The following GLRA3 variants were observed in gnomAD, a reference collection of about 807,000 sequenced individuals.
GLRA3 encodes the protein glycine receptor alpha 3.
A neutral mutation model predicts 60.4 loss-of-function variants in GLRA3; 44 were observed. That is an observed-to-expected ratio of 0.73 (90% CI 0.57 to 0.94). The LOEUF is 0.94. Ranked by LOEUF, GLRA3 falls within the 40% of genes least tolerant of loss-of-function variation. The probability of loss-of-function intolerance (pLI) is 0.00; values close to 1 mark genes in which losing one functional copy is unlikely to be tolerated. For missense variants in GLRA3, 508 were observed against 564.6 expected, an observed-to-expected ratio of 0.90 and a Z score of 1.02; for synonymous variants, 223 against 192.9, an observed-to-expected ratio of 1.16 and a Z score of -1.29.
At chr4:174,809,847 C>T (rs1740192538) in intron 1 of GLRA3, among the ~76,000 whole-genome samples, 5 of 151,964 alleles carry the variant, frequency 3.3e-5, no homozygotes, top group Admixed American at 2.6e-4. Context: ...CTATCCTCAC[C>T]ATTTGATTTT....
intron 2 of GLRA3, among the ~76,000 whole-genome samples, chr4:174,779,459 C>T (rs1046936906): frequency 1.3e-5 from 2 of 152,132 alleles, no homozygotes; most frequent in Admixed American, 6.5e-5. Context: ...CAAAGCTGGA[C>T]GGAGAATGAC....
chr4:174,669,254 G>T (rs1733811419), intron 7 of GLRA3, among the ~76,000 whole-genome samples: 1 of 151,838 alleles, frequency 6.6e-6, no homozygotes, highest in Non-Finnish European at 1.5e-5. Flanking sequence ...ACTTCATTAA[G>T]ACCTAAAGCC....
At chr4:174,815,753 C>G (rs568968168) in intron 1 of GLRA3, among the ~76,000 whole-genome samples, 8 of 152,276 alleles carry the variant, frequency 5.3e-5, no homozygotes, top group Middle Eastern at 6.8e-3. Flanking sequence ...GAAAAGGGAT[C>G]CTGGGCTGAA....
intron 1 of GLRA3, among the ~76,000 whole-genome samples, chr4:174,807,895 T>C (rs1012298029): frequency 5.3e-5 from 8 of 152,200 alleles, no homozygotes; most frequent in East Asian, 3.9e-4. Context: ...GAAAATACCA[T>C]AGCAAAATGA....
intron 5 of GLRA3, among the ~76,000 whole-genome samples, chr4:174,700,794 GCAA>G (rs1203915296): frequency 6.6e-6 from 1 of 152,168 alleles, no homozygotes; most frequent in Admixed American, 6.5e-5. Context: ...GATCAAACCA[GCAA>G]CAACATTTCC....
intron 3 of GLRA3, among the ~76,000 whole-genome samples, chr4:174,737,971 T>C (rs1000150015): frequency 2.6e-5 from 4 of 152,140 alleles, no homozygotes; most frequent in Non-Finnish European, 2.9e-5. Context: ...AAAGGAAAAA[T>C]GTTCCACTTT....
At chr4:174,669,806 C>T (rs1733835578) in intron 7 of GLRA3, among the ~76,000 whole-genome samples, 1 of 152,024 alleles carries the variant, frequency 6.6e-6, no homozygotes, top group Admixed American at 6.6e-5. Flanking sequence ...GAACTCCTGG[C>T]CTCAAGCGAT....
Position 174,828,996 on chromosome 4 carries a change from GGA to G in GLRA3, c.-187_-186del, listed in dbSNP as rs1186532904. 5 of 580,920 alleles carry G rather than the reference GGA, an allele frequency of 8.6e-6. No homozygotes were observed. The highest frequency in any genetic ancestry group is 1.5e-5 in the Non-Finnish European group (5 of 323,832). 36.0% of individuals were successfully genotyped at this position (580,920 alleles called of 1,614,324 possible). ...CCCCTTCTCAGCATTGAGCAGAAGT[GGA>G]GAGTCACAGTGTTATAAATGTGCAG... On this transcript the variant is annotated 5_prime_UTR_variant, in exon 1 of 10. Coordinates refer to ENST00000274093, the MANE Select transcript of GLRA3 (RefSeq NM_006529.4).
At chr4:174,785,563 C>T (rs906622025) in intron 2 of GLRA3, among the ~76,000 whole-genome samples, 2 of 152,098 alleles carry the variant, frequency 1.3e-5, no homozygotes, top group African/African-American at 2.4e-5. Context: ...AATGTCCATA[C>T]TGAAATTTTA....
Position 174,728,667 on chromosome 4 carries a change from T to A in GLRA3, c.299A>T (p.Lys100Ile). Reference protein sequence around the residue: ...DYRVNIFLRQKWNDPRLAYSE... With the variant: ...DYRVNIFLRQIWNDPRLAYSE... ...GTACGCGAGGCGGGGATCATTCCAT[T>A]TCTGACGAAGAAAGATATTCACTCT... Residue 100 changes from lysine (K) to isoleucine (I), a missense_variant, in exon 4 of 10, where the codon AAA (lysine) becomes ATA (isoleucine). Physicochemically the swap from Lys to Ile is moderately radical, Grantham distance 102. Around this residue, in one of 3 missense-constraint regions of GLRA3, gnomAD observed 329 missense variants for 349.3 expected, o/e 0.94. Coordinates refer to ENST00000274093, the MANE Select transcript of GLRA3 (RefSeq NM_006529.4). 1 of 1,606,082 alleles carries A rather than the reference T, an allele frequency of 6.2e-7. No individual in the cohort carries two copies. Among genetic ancestry groups the A allele is most frequent in the Non-Finnish European group, 8.5e-7 (1 of 1,173,394 alleles).
At chr4:174,686,241 A>G (rs531231626) in intron 5 of GLRA3, among the ~76,000 whole-genome samples, 1 of 152,360 alleles carries the variant, frequency 6.6e-6, no homozygotes, top group African/African-American at 2.4e-5. Flanking sequence ...ATAAACTCTC[A>G]AACATAATTT....
intron 2 of GLRA3, among the ~76,000 whole-genome samples, chr4:174,769,429 T>C (rs1367580817): frequency 6.6e-6 from 1 of 152,118 alleles, no homozygotes; most frequent in East Asian, 1.9e-4. Context: ...ATTTTCCTGA[T>C]ATTGGCAATT....
At chr4:174,821,786 A>G (rs1034380160) in intron 1 of GLRA3, among the ~76,000 whole-genome samples, 1 of 152,168 alleles carries the variant, frequency 6.6e-6, no homozygotes, top group Non-Finnish European at 1.5e-5. Context: ...GCCAATTTGT[A>G]TCTGTTTTAC....
intron 3 of GLRA3, among the ~76,000 whole-genome samples, chr4:174,746,992 C>T (rs866756792): frequency 1.3e-5 from 2 of 152,260 alleles, no homozygotes; most frequent in Middle Eastern, 3.4e-3. Context: ...AGAATGAAGT[C>T]TTACAATTAA....
intron 6 of GLRA3, among the ~76,000 whole-genome samples, chr4:174,678,842 A>G (rs1312834740): frequency 6.6e-6 from 1 of 152,218 alleles, no homozygotes; most frequent in Non-Finnish European, 1.5e-5. Flanking sequence ...ATGGAATAAA[A>G]CAAGAATAAC....
At chr4:174,744,940 A>C (rs2111179636) in intron 3 of GLRA3, among the ~76,000 whole-genome samples, 1 of 152,316 alleles carries the variant, frequency 6.6e-6, no homozygotes, top group African/African-American at 2.4e-5. Flanking sequence ...AGAAATTTAC[A>C]AAAGGGATAG....
intron 3 of GLRA3, among the ~76,000 whole-genome samples, chr4:174,742,281 C>T (rs1017105508): frequency 6.6e-5 from 10 of 151,980 alleles, no homozygotes; most frequent in Admixed American, 2.0e-4. Context: ...ATATATTATT[C>T]GAGGTTTTTA....
intron 3 of GLRA3, among the ~76,000 whole-genome samples, chr4:174,730,391 T>A (rs1465177417): frequency 1.3e-5 from 2 of 152,194 alleles, no homozygotes; most frequent in African/African-American, 4.8e-5. Flanking sequence ...AGGAGAAGAC[T>A]GAACAAGGTC....
At chr4:174,789,738 G>A (rs1739253061) in intron 1 of GLRA3, among the ~76,000 whole-genome samples, 1 of 152,192 alleles carries the variant, frequency 6.6e-6, no homozygotes, top group Admixed American at 6.5e-5. Flanking sequence ...AACAGAAGCT[G>A]GGGCCTGCTT....
Sources: allele counts gnomAD v4.1 joint callset (sites outside exome capture counted in the v4.1 genomes callset), GRCh38; gene constraint gnomAD v4.1.1; regional missense constraint gnomAD v4.1.1; transcripts MANE v1.5; gene names NCBI Gene and HGNC (gene_info 2026-07-23, HGNC 2026-07-21).